Variants in RASGEF1A observed in about 807,000 individuals in gnomAD.
RASGEF1A encodes ras-GEF domain-containing family member 1A.
In RASGEF1A, 18 loss-of-function variants were observed where a neutral mutation model predicts 56.4. The observed-to-expected ratio is 0.32, with a 90% CI of 0.22 to 0.47. The LOEUF is 0.47. Ranked by LOEUF, RASGEF1A falls within the 20% of genes least tolerant of loss-of-function variation. RASGEF1A has a pLI of 1.00. For synonymous variants in RASGEF1A, 245 were observed against 242.6 expected, an observed-to-expected ratio of 1.01 and a Z score of -0.09; for missense variants, 422 against 627.1, an observed-to-expected ratio of 0.67 and a Z score of 3.49.
rs772314795 is a variant in RASGEF1A at position 43,200,861 on chromosome 10, C to T, written c.487G>A (p.Ala163Thr). The part of the protein sequence containing the change: ...EENGTVKKAI[A>T]QMTQSLLLSL... The stretch of plus-strand genomic sequence containing the variant: ...AGCAACAGGCTCTGTGTCATCTGGG[C>T]AATGGCCTTCTTCACTGTGCCATTC... Residue 163 changes from alanine to threonine, a missense_variant, in exon 5 of 13, where the codon GCC becomes ACC. Physicochemically the swap from Ala to Thr is moderately conservative, Grantham distance 58. Coordinates refer to ENST00000395810, the MANE Select transcript of RASGEF1A (RefSeq NM_145313.4). 39 of 1,613,900 alleles carry T rather than the reference C, an allele frequency of 2.4e-5. No individual in the cohort carries two copies. The Middle Eastern group carries it at 9.9e-4, about 41-fold the overall frequency.
chr10:43,265,517 C>T (rs1836608170), intron 1 of RASGEF1A, among the ~76,000 whole-genome samples: 1 of 152,254 alleles, frequency 6.6e-6, no homozygotes, highest in Admixed American at 6.5e-5. Context: ...GAGAACCCAC[C>T]CACGTGTCCC....
intron 1 of RASGEF1A, among the ~76,000 whole-genome samples, chr10:43,225,340 T>A (rs972041285): frequency 6.6e-6 from 1 of 151,068 alleles, no homozygotes; most frequent in Non-Finnish European, 1.5e-5. Context: ...TGTGTCTGTG[T>A]CTCTGCATGT....
In RASGEF1A at chr10:43,203,327, T is replaced by G. The variant is rs898993384; in HGVS notation, c.292A>C (p.Lys98Gln). 124 of 1,572,150 alleles carry G rather than the reference T, an allele frequency of 7.9e-5. No individual in the cohort carries two copies. Among genetic ancestry groups the G allele is most frequent in the Non-Finnish European group, 1.0e-4 (121 of 1,159,126 alleles). ...ARVGQICVEQ[K>Q]QQLEAGPEKA... ...TCAGGCCCGGCTTCCAGCTGCTGCT[T>G]CTGCTCCACGCAGATCTGCCCCACG... The change falls in exon 3 of 13, where the codon AAG becomes CAG. Residue 98 changes from lysine (K) to glutamine (Q), a missense_variant. By Grantham distance (53) the Lys-to-Gln change is moderately conservative. Around this residue, in one of 2 missense-constraint regions of RASGEF1A, gnomAD observed 273 missense variants for 339.9 expected, o/e 0.80. Transcript: ENST00000395810.
rs1840455962 is a variant in RASGEF1A at position 43,238,115 on chromosome 10, G to C, written c.-7+28730C>G. On this transcript the variant is annotated intron_variant, in intron 1 of 12. Coordinates refer to ENST00000395810, the MANE Select transcript of RASGEF1A (RefSeq NM_145313.4). ...GGGGGGCGGAGGGAGGGGGGGTGCT[G>C]CAGATTGAGACCTGCCTTCAGGAGG... 2.0e-5 allele frequency among the ~76,000 whole-genome samples: 3 copies of C among 151,572 alleles called. No individual in the cohort carries two copies. In the South Asian group the frequency reaches 6.2e-4, roughly 32 times the overall value.
intron 1 of RASGEF1A, among the ~76,000 whole-genome samples, chr10:43,212,579 G>T (rs1385738490): frequency 6.6e-6 from 1 of 152,238 alleles, no homozygotes; most frequent in East Asian, 1.9e-4. Context: ...GAACCTCATG[G>T]TGGCTGTGGG....
At chr10:43,251,307 TCCC>T (rs1840625592) in intron 1 of RASGEF1A, among the ~76,000 whole-genome samples, 1 of 151,786 alleles carries the variant, frequency 6.6e-6, no homozygotes, top group African/African-American at 2.4e-5. Context: ...GTCCCTAATA[TCCC>T]CCCAATATGA....
At chr10:43,203,689 C>CA in intron 2 of RASGEF1A, 1 of 1,187,940 alleles carries the variant, frequency 8.4e-7, no homozygotes, top group South Asian at 1.9e-5. Flanking sequence ...TGGGATTCTC[C>CA]CCCTCTCTGC....
rs1222299407 is a variant in RASGEF1A at position 43,201,835 on chromosome 10, G to A, written c.432C>T (p.Ile144=). 2 of 1,610,004 alleles carry A rather than the reference G, an allele frequency of 1.2e-6. No homozygotes were observed. The highest frequency in any genetic ancestry group is 1.7e-6 in the Non-Finnish European group (2 of 1,177,642). The change falls in exon 4 of 13, where the codon ATC becomes ATT. Residue 144 remains isoleucine (I), a synonymous_variant. Transcript: ENST00000395810. ...DEKAMAELKA[I]THRVTQCDEE... ...CATCACACTGGGTGACACGGTGTGT[G>A]ATGGCTTTCAGCTCGGCCATGGCCT...
rs945346004 is a variant in RASGEF1A, at chr10:43,220,102, C to T, written c.-6-13980G>A. Among the ~76,000 whole-genome samples the T allele has an allele frequency of 2.0e-5, 3 of 152,344 alleles. No homozygotes were observed. The South Asian group carries it at 6.2e-4, about 32-fold the overall frequency. On this transcript the variant is annotated intron_variant, in intron 1 of 12. Coordinates refer to ENST00000395810, the MANE Select transcript of RASGEF1A (RefSeq NM_145313.4). Reference sequence around the variant, plus strand: ...AGCTCTTCTGTCACATGCTGTGCGTCTGTCCCCTGGCCCTGGGGGCTGGTA... The same window carrying T: ...AGCTCTTCTGTCACATGCTGTGCGTTTGTCCCCTGGCCCTGGGGGCTGGTA...
intron 1 of RASGEF1A, chr10:43,206,737 A>G: frequency 2.0e-6 from 2 of 986,466 alleles, no homozygotes; most frequent in African/African-American, 1.7e-5. Flanking sequence ...GAGCTTGCTC[A>G]GGCAGGCGGT....
At chr10:43,217,286 C>T (rs76944650) in intron 1 of RASGEF1A, among the ~76,000 whole-genome samples, 8,512 of 152,252 alleles carry the variant, frequency 0.056, 618 homozygotes, top group African/African-American at 0.17. Flanking sequence ...GCCCCCAGTC[C>T]TTCCATCCCC....
At chr10:43,221,897 C>T (rs899959123) in intron 1 of RASGEF1A, among the ~76,000 whole-genome samples, 10 of 152,254 alleles carry the variant, frequency 6.6e-5, no homozygotes, top group Admixed American at 6.5e-4. Context: ...AGCTGGAAGC[C>T]GCCCAGGCCT....
intron 1 of RASGEF1A, among the ~76,000 whole-genome samples, chr10:43,256,459 G>A (rs1256004401): frequency 1.3e-5 from 2 of 152,204 alleles, no homozygotes; most frequent in East Asian, 3.8e-4. Context: ...CTGGTTGGGG[G>A]TGGAGGGGGT....
intron 1 of RASGEF1A, among the ~76,000 whole-genome samples, chr10:43,257,950 G>A (rs1726792396): frequency 6.6e-6 from 1 of 152,232 alleles, no homozygotes; most frequent in Admixed American, 6.5e-5. Context: ...GGGCGAGGCA[G>A]GGGAAGGCAG....
At chr10:43,237,746 T>C (rs906249271) in intron 1 of RASGEF1A, among the ~76,000 whole-genome samples, 3 of 152,012 alleles carry the variant, frequency 2.0e-5, no homozygotes, top group Non-Finnish European at 4.4e-5. Flanking sequence ...CAAACTCAGC[T>C]GCTACTCCTC....
intron 1 of RASGEF1A, among the ~76,000 whole-genome samples, chr10:43,256,246 G>A (rs1199781270): frequency 1.3e-5 from 2 of 152,208 alleles, no homozygotes; most frequent in Non-Finnish European, 2.9e-5. Context: ...GGCAGGTGCG[G>A]CAGGTGCTGC....
At chr10:43,243,022 C>T (rs182681867) in intron 1 of RASGEF1A, among the ~76,000 whole-genome samples, 1,675 of 145,234 alleles carry the variant, frequency 0.012, 37 homozygotes, top group African/African-American at 0.04. Context: ...CCCCTCTGCC[C>T]GCCCGACCCA....
chr10:43,206,446 C>CA (rs1839997798), intron 1 of RASGEF1A, among the ~76,000 whole-genome samples: 1 of 152,224 alleles, frequency 6.6e-6, no homozygotes, highest in Non-Finnish European at 1.5e-5. Flanking sequence ...GGTGGGCAGT[C>CA]AGGGCTGCCT....
chr10:43,199,092 A>T lies in RASGEF1A; in HGVS notation c.952T>A (p.Ser318Thr). 6.2e-7 allele frequency: 1 copy of T among 1,613,704 alleles called. No individual in the cohort carries two copies. Among genetic ancestry groups the T allele is most frequent in the Non-Finnish European group, 8.5e-7 (1 of 1,179,938 alleles). ...CCACCCTGGGTGCCCAGTCACTCAC[A>T]GATGATGGCCATCATGGAGTTGAAG... ...GNFNSMMAIISGMNLSPVARL... is the reference protein window; with the variant it reads ...GNFNSMMAIITGMNLSPVARL... Residue 318 changes from serine (S) to threonine (T), a missense_variant and splice_region_variant, in exon 8 of 13, where the codon TCT becomes ACT. Coordinates refer to ENST00000395810, the MANE Select transcript of RASGEF1A (RefSeq NM_145313.4).
Sources: gnomAD v4.1 joint callset for allele counts (sites outside exome capture counted in the v4.1 genomes callset) on GRCh38, gnomAD v4.1.1 for gene constraint, gnomAD v4.1.1 regional missense constraint, MANE v1.5 for transcripts, NCBI Gene and HGNC (gene_info 2026-07-23, HGNC 2026-07-21) for gene names.